The following SLC27A6 variants were observed in gnomAD, a reference collection of about 807,000 sequenced individuals.
SLC27A6 encodes the protein solute carrier family 27 member 6, also known as long-chain fatty acid transport protein 6.
Under a neutral mutation model 63.9 loss-of-function variants are expected in SLC27A6, and 74 were observed. The observed-to-expected ratio is 1.16, with a 90% CI of 0.96 to 1.40. SLC27A6 has a LOEUF of 1.40. Among genes scored for constraint, SLC27A6 ranks in the 40% most tolerant of loss-of-function variants. SLC27A6 has a pLI of 0.00. For missense variants in SLC27A6, 794 were observed against 732.9 expected (o/e 1.08, Z -0.96); for synonymous variants, 287 against 260.8 (o/e 1.10, Z -0.97).
At chr5:128,970,117 C>T (rs1189224460) in intron 1 of SLC27A6, among the ~76,000 whole-genome samples, 1 of 148,036 alleles carries the variant, frequency 6.8e-6, no homozygotes, top group Non-Finnish European at 1.5e-5. Flanking sequence ...ATGAAGCCCA[C>T]TTGATCATGG....
At chr5:128,996,194 T>C (rs1751154783) in intron 4 of SLC27A6, among the ~76,000 whole-genome samples, 1 of 152,192 alleles carries the variant, frequency 6.6e-6, no homozygotes, top group African/African-American at 2.4e-5. Context: ...TTCAAGCTAC[T>C]ATTTGTAGTT....
chr5:129,007,463 A>AT (rs1561625538), intron 4 of SLC27A6, among the ~76,000 whole-genome samples: 1 of 136,516 alleles, frequency 7.3e-6, no homozygotes, highest in South Asian at 2.3e-4. Context: ...AAAAAAAAAA[A>AT]AATATAATGT....
intron 4 of SLC27A6, among the ~76,000 whole-genome samples, chr5:129,009,453 A>G (rs1751650217): frequency 6.6e-6 from 1 of 152,178 alleles, no homozygotes; most frequent in Admixed American, 6.5e-5. Flanking sequence ...AAATTATGAT[A>G]GTTTAAAAAT....
intron 4 of SLC27A6, among the ~76,000 whole-genome samples, chr5:128,995,685 G>A (rs113103625): frequency 0.018 from 2,667 of 152,184 alleles, 73 homozygotes; most frequent in African/African-American, 0.06. Flanking sequence ...AAAAGGAAGA[G>A]CCCCACAGAA....
chr5:129,016,892 A>T (rs950954239), intron 5 of SLC27A6, among the ~76,000 whole-genome samples: 3 of 152,220 alleles, frequency 2.0e-5, no homozygotes, highest in African/African-American at 7.2e-5. Flanking sequence ...CTGATTTCTC[A>T]GTAGCAACCA....
intron 1 of SLC27A6, among the ~76,000 whole-genome samples, chr5:128,971,855 C>T (rs141646113): frequency 0.24 from 36,672 of 152,012 alleles, 4,967 homozygotes; most frequent in Middle Eastern, 0.34. Context: ...TTCTTTCTAG[C>T]GTCGATGGTC....
intron 1 of SLC27A6, among the ~76,000 whole-genome samples, chr5:128,969,280 GT>G (rs1750041741): frequency 6.6e-6 from 1 of 152,140 alleles, no homozygotes; most frequent in Non-Finnish European, 1.5e-5. Context: ...CTTTAAAGTA[GT>G]TTTTTCCAAT....
At position 128,985,382 on chromosome 5, in the gene SLC27A6, G is replaced by T. The variant is rs905618162; in HGVS notation, c.685+46G>T. ...AGGCTAAAATGAATGCGAGAAATTT[G>T]CAAAGCAACAGTGTTGGGCAAATTT... On this transcript the variant is annotated intron_variant, in intron 2 of 9. Coordinates refer to ENST00000262462, the MANE Select transcript of SLC27A6 (RefSeq NM_001017372.3). 8 of 1,554,736 alleles carry T rather than the reference G, an allele frequency of 5.1e-6. No individual in the cohort carries two copies. In the African/African-American group the frequency reaches 9.5e-5, roughly 18 times the overall value.
At chr5:128,996,038 T>G (rs1266783934) in intron 4 of SLC27A6, among the ~76,000 whole-genome samples, 1 of 151,572 alleles carries the variant, frequency 6.6e-6, no homozygotes, top group African/African-American at 2.4e-5. Context: ...ATTTTTTTGA[T>G]CTGTTAAGTT....
At chr5:129,011,028 C>T (rs1450333329) in intron 4 of SLC27A6, among the ~76,000 whole-genome samples, 2 of 152,114 alleles carry the variant, frequency 1.3e-5, no homozygotes, top group African/African-American at 2.4e-5. Flanking sequence ...TACTATAACA[C>T]AACATTTAAA....
chr5:128,971,664 G>T (rs532230951), intron 1 of SLC27A6, among the ~76,000 whole-genome samples: 1 of 151,764 alleles, frequency 6.6e-6, no homozygotes, highest in Non-Finnish European at 1.5e-5. Context: ...GTCTCTGCAC[G>T]TGAGATGGGT....
intron 2 of SLC27A6, among the ~76,000 whole-genome samples, chr5:128,986,051 C>G (rs751728785): frequency 6.6e-6 from 1 of 152,180 alleles, no homozygotes; most frequent in African/African-American, 2.4e-5. Flanking sequence ...TGACTACTCA[C>G]ACCTGTAATC....
chr5:128,996,418 G>A (rs990180945), intron 4 of SLC27A6, among the ~76,000 whole-genome samples: 2 of 152,080 alleles, frequency 1.3e-5, no homozygotes, highest in Admixed American at 1.3e-4. Context: ...ATTGAAATTT[G>A]ACAAAATGTC....
chr5:128,986,864 G>A (rs1750805920), intron 2 of SLC27A6, among the ~76,000 whole-genome samples: 1 of 152,130 alleles, frequency 6.6e-6, no homozygotes, highest in South Asian at 2.1e-4. Flanking sequence ...TTATGGTGAA[G>A]CCTTGAAGAA....
At chr5:129,003,781 G>A (rs559420978) in intron 4 of SLC27A6, among the ~76,000 whole-genome samples, 3 of 151,944 alleles carry the variant, frequency 2.0e-5, no homozygotes, top group Admixed American at 6.6e-5. Flanking sequence ...ACCAGCCTAT[G>A]CAACATAGTG....
intron 4 of SLC27A6, among the ~76,000 whole-genome samples, chr5:129,009,255 C>G (rs1375054622): frequency 2.0e-5 from 3 of 152,172 alleles, no homozygotes; most frequent in African/African-American, 7.2e-5. Context: ...ATTATCAGTA[C>G]TTGATCTCTA....
intron 4 of SLC27A6, among the ~76,000 whole-genome samples, chr5:129,006,069 C>CTTTTTTT (rs1561624835): frequency 3.1e-5 from 2 of 64,852 alleles, no homozygotes; most frequent in Non-Finnish European, 5.2e-5. Flanking sequence ...CCTGTGCACA[C>CTTTTTTT]TGTTTTTTTT....
At chr5:128,986,892 C>A (rs181583851) in intron 2 of SLC27A6, among the ~76,000 whole-genome samples, 1 of 152,032 alleles carries the variant, frequency 6.6e-6, no homozygotes, top group African/African-American at 2.4e-5. Flanking sequence ...TTGCCCCCAC[C>A]AAACCCCAGA....
At chr5:129,004,931 T>C (rs1185188581) in intron 4 of SLC27A6, among the ~76,000 whole-genome samples, 1 of 152,218 alleles carries the variant, frequency 6.6e-6, no homozygotes, top group Non-Finnish European at 1.5e-5. Flanking sequence ...TGCTATTCTA[T>C]TTCCTTGACT....
Sources: gnomAD v4.1 joint callset for allele counts (sites outside exome capture counted in the v4.1 genomes callset) on GRCh38, gnomAD v4.1.1 for gene constraint, MANE v1.5 for transcripts, NCBI Gene and HGNC (gene_info 2026-07-23, HGNC 2026-07-21) for gene names.